Variants in NANOGNB observed in about 807,000 individuals in gnomAD.
NANOGNB encodes homeobox C14.
NANOGNB carries 30 observed loss-of-function variants against 25.0 expected under a neutral mutation model. That is an observed-to-expected ratio of 1.20 (90% CI 0.90 to 1.63). The LOEUF (loss-of-function observed/expected upper bound fraction) is 1.63, where lower values mean the gene tolerates loss of function less well. Ranked by LOEUF, NANOGNB falls within the 40% of genes most tolerant of loss-of-function variation. The pLI, the probability that NANOGNB is intolerant of heterozygous loss-of-function variation, is 0.00. For missense variants in NANOGNB, 200 were observed against 188.1 expected, an observed-to-expected ratio of 1.06 and a Z score of -0.37; for synonymous variants, 84 against 62.1, an observed-to-expected ratio of 1.35 and a Z score of -1.66.
chr12:7,768,131 T>A (rs1861777499), intron 1 of NANOGNB, among the ~76,000 whole-genome samples: 1 of 152,134 alleles, frequency 6.6e-6, no homozygotes, highest in African/African-American at 2.4e-5. Flanking sequence ...AAAGGGGCAA[T>A]TGCTGGGTCA....
chr12:7,766,751 C>T (rs1865249758), intron 1 of NANOGNB, among the ~76,000 whole-genome samples: 1 of 152,070 alleles, frequency 6.6e-6, no homozygotes, highest in African/African-American at 2.4e-5. Context: ...TGGTCCTGAA[C>T]TCCTGACCTC....
rs2120516400 is a variant in NANOGNB at position 7,769,968 on chromosome 12, G to C, written c.103-15G>C. The stretch of plus-strand genomic sequence containing the variant: ...AGCTGCAGCTTGATTTTATTCCACG[G>C]ATCTTTTTATACAGAAACAATCAGC... On this transcript the variant is annotated splice_polypyrimidine_tract_variant and intron_variant, in intron 1 of 3. Transcript: ENST00000382119. 1 of 1,482,310 alleles carries C rather than the reference G, an allele frequency of 6.7e-7. No individual in the cohort carries two copies. Among genetic ancestry groups the C allele is most frequent in the South Asian group, 1.4e-5 (1 of 72,552 alleles). The allele number at this position is 1,482,310 out of a possible 1,614,324, so 91.8% of individuals were successfully genotyped here.
intron 1 of NANOGNB, among the ~76,000 whole-genome samples, chr12:7,766,816 C>G (rs1305060819): frequency 2.0e-5 from 3 of 152,068 alleles, no homozygotes; most frequent in African/African-American, 7.2e-5. Context: ...GAGTGACCCT[C>G]CACGCCTGGC....
chr12:7,770,115 G>T lies in NANOGNB; in HGVS notation c.235G>T (p.Glu79Ter). Residue 79 changes from glutamate to a stop codon, truncating the protein, a stop_gained, in exon 2 of 4, where the codon GAA becomes TAA. Coordinates refer to ENST00000382119, the MANE Select transcript of NANOGNB (RefSeq NM_001145465.1). LOFTEE classifies it high-confidence loss of function. ...CAGAAAGAGAGAACGAGAAAAAGAA[G>T]AAAAAAACGAAAAGGAGCTGCAAGA... is the stretch of plus-strand genomic sequence containing the variant. ...AGRKREREKE[E>*]KNEKELQDEQ... 1 of 1,541,972 alleles carries T rather than the reference G, an allele frequency of 6.5e-7. No individual in the cohort carries two copies. Among genetic ancestry groups the T allele is most frequent in the Admixed American group, 2.0e-5 (1 of 50,666 alleles).
intron 1 of NANOGNB, among the ~76,000 whole-genome samples, chr12:7,766,667 C>T (rs977098686): frequency 5.3e-5 from 8 of 152,066 alleles, no homozygotes; most frequent in Non-Finnish European, 7.4e-5. Flanking sequence ...CTCCCCCTCC[C>T]GGGGTTCAAA....
intron 1 of NANOGNB, among the ~76,000 whole-genome samples, chr12:7,769,144 T>C (rs893065815): frequency 6.6e-6 from 1 of 152,026 alleles, no homozygotes; most frequent in Non-Finnish European, 1.5e-5. Context: ...TTCCCTGCAA[T>C]GAATTTCTTC....
intron 3 of NANOGNB, among the ~76,000 whole-genome samples, chr12:7,773,223 C>G (rs1862601657): frequency 6.6e-6 from 1 of 150,760 alleles, no homozygotes. Context: ...TCCCGAGTAG[C>G]TGGGATTGCA....
In NANOGNB at chr12:7,770,046, G is replaced by A; in HGVS notation, c.166G>A (p.Glu56Lys). 1.3e-6 allele frequency: 2 copies of A among 1,539,482 alleles called. No homozygotes were observed. The highest frequency in any genetic ancestry group is 1.7e-6 in the Non-Finnish European group (2 of 1,144,300). Residue 56 changes from glutamate (E) to lysine (K), a missense_variant, in exon 2 of 4, where the codon GAA (glutamate) becomes AAA (lysine). By Grantham distance (56) the Glu-to-Lys change is moderately conservative. Coordinates refer to ENST00000382119, the MANE Select transcript of NANOGNB (RefSeq NM_001145465.1). The part of the protein sequence containing the change: ...EQSTGNYSED[E>K]QNGKQKWREE... ...ATCAACTGGAAATTACAGTGAAGAT[G>A]AACAAAATGGAAAGCAGAAATGGAG...
In NANOGNB at chr12:7,773,892, A is replaced by G. The variant is rs919448010; in HGVS notation, c.*41A>G. On this transcript the variant is annotated 3_prime_UTR_variant, in exon 4 of 4. Coordinates refer to ENST00000382119, the MANE Select transcript of NANOGNB (RefSeq NM_001145465.1). Reference sequence around the variant, plus strand: ...CTCCAGAAATGCTGTGATTACAAGCATGAGCCATCGCACTGGCTAAGACAT... The same window carrying G: ...CTCCAGAAATGCTGTGATTACAAGCGTGAGCCATCGCACTGGCTAAGACAT... 2 of 625,554 alleles carry G rather than the reference A, an allele frequency of 3.2e-6. No individual in the cohort carries two copies. The highest frequency in any genetic ancestry group is 2.8e-6 in the Non-Finnish European group (1 of 356,930). The allele number at this position is 625,554 out of a possible 1,614,324, so 38.8% of individuals were successfully genotyped here. A position where few individuals can be genotyped will look rare whatever the true frequency, so the allele number is the denominator to read the frequency against.
At chr12:7,773,700 G>A (rs1862609762) in intron 3 of NANOGNB, 100 bp from the exon 4 acceptor site, 1 of 500,584 alleles carries the variant, frequency 2.0e-6, no homozygotes, top group Non-Finnish European at 3.4e-6. Flanking sequence ...ACTCCAGCTT[G>A]GGTGACAAGA....
At chr12:7,770,703 C>T (rs1221580493) in intron 3 of NANOGNB, among the ~76,000 whole-genome samples, 185 bp downstream of exon 3, 1 of 152,164 alleles carries the variant, frequency 6.6e-6, no homozygotes, top group African/African-American at 2.4e-5. Flanking sequence ...CCCTCCGCCT[C>T]CCAGGTTCAA....
chr12:7,772,193 A>G (rs1862574341), intron 3 of NANOGNB, among the ~76,000 whole-genome samples: 1 of 152,206 alleles, frequency 6.6e-6, no homozygotes, highest in Non-Finnish European at 1.5e-5. Flanking sequence ...CAGTGCAGGG[A>G]AATTGGCTAT....
chr12:7,766,645 A>G (rs1408019285), intron 1 of NANOGNB, among the ~76,000 whole-genome samples: 3 of 151,582 alleles, frequency 2.0e-5, no homozygotes, highest in Non-Finnish European at 4.4e-5. Flanking sequence ...CACAATCTCA[A>G]CTAACTGCGA....
chr12:7,773,083 T>C (rs1228498143), intron 3 of NANOGNB, among the ~76,000 whole-genome samples: 1 of 151,728 alleles, frequency 6.6e-6, no homozygotes, highest in African/African-American at 2.4e-5. Context: ...TAGTGTTGTT[T>C]ACTCTTAGTG....
At chr12:7,772,140 G>A (rs1034048634) in intron 3 of NANOGNB, among the ~76,000 whole-genome samples, 1 of 152,186 alleles carries the variant, frequency 6.6e-6, no homozygotes, top group Admixed American at 6.6e-5. Context: ...GCCATGGGTG[G>A]AGCAATGCTT....
chr12:7,772,791 C>T (rs2120522842), intron 3 of NANOGNB, among the ~76,000 whole-genome samples: 1 of 152,076 alleles, frequency 6.6e-6, no homozygotes, highest in East Asian at 1.9e-4. Context: ...ACTATGTTGG[C>T]CAGACTGGTC....
chr12:7,770,090 CA>C lies in NANOGNB; in HGVS notation c.211del (p.Arg71GlufsTer38). 1 of 1,537,662 alleles carries C rather than the reference CA, an allele frequency of 6.5e-7. No homozygotes were observed. The highest frequency in any genetic ancestry group is 8.8e-7 in the Non-Finnish European group (1 of 1,136,800). On this transcript the variant is annotated frameshift_variant, in exon 2 of 4. Transcript: ENST00000382119. LOFTEE classifies it high-confidence loss of function. ...QKWREEGEAG[R>X]KREREKEEKN... Reference sequence around the variant, plus strand: ...AATGGAGAGAAGAAGGAGAAGCAGGCAGAAAGAGAGAACGAGAAAAAGAAGA... The same window carrying C: ...AATGGAGAGAAGAAGGAGAAGCAGGCGAAAGAGAGAACGAGAAAAAGAAGA...
At chr12:7,769,163 A>G (rs1256610650) in intron 1 of NANOGNB, among the ~76,000 whole-genome samples, 1 of 151,324 alleles carries the variant, frequency 6.6e-6, no homozygotes, top group African/African-American at 2.4e-5. Flanking sequence ...TCTTATTTTT[A>G]TTTTTATTTT....
intron 3 of NANOGNB, 65 bp from the exon 4 acceptor site, chr12:7,773,735 T>A (rs1003895223): frequency 7.1e-5 from 39 of 546,826 alleles, no homozygotes; most frequent in African/African-American, 2.4e-4. Context: ...CAAAAAAAAA[T>A]TTAAAATAAA....
Sources: allele counts gnomAD v4.1 joint callset (sites outside exome capture counted in the v4.1 genomes callset), GRCh38; gene constraint gnomAD v4.1.1; transcripts MANE v1.5; gene names NCBI Gene and HGNC (gene_info 2026-07-23, HGNC 2026-07-21).